CAMKMT: variants seen among roughly 807,000 people sequenced by gnomAD.
The protein encoded by CAMKMT is calmodulin-lysine N-methyltransferase, also known as CaM KMT.
Under a neutral mutation model 48.0 loss-of-function variants are expected in CAMKMT, and 53 were observed. That is an observed-to-expected ratio of 1.10 (90% CI 0.89 to 1.39). The LOEUF is 1.39. Among genes scored for constraint, CAMKMT ranks in the 40% most tolerant of loss-of-function variants. CAMKMT has a pLI of 0.00. For synonymous variants in CAMKMT, 165 were observed against 152.3 expected, an observed-to-expected ratio of 1.08 and a Z score of -0.61; for missense variants, 428 against 402.7, an observed-to-expected ratio of 1.06 and a Z score of -0.54.
chr2:44,521,005 C>T (rs1007836304), intron 3 of CAMKMT, among the ~76,000 whole-genome samples: 5 of 152,162 alleles, frequency 3.3e-5, no homozygotes, highest in South Asian at 2.1e-4. Context: ...ATTACCCAGT[C>T]GTGGGCATTT....
intron 3 of CAMKMT, among the ~76,000 whole-genome samples, chr2:44,449,615 C>G (rs1667185456): frequency 6.6e-6 from 1 of 152,038 alleles, no homozygotes; most frequent in Non-Finnish European, 1.5e-5. Context: ...ATTCTTTAGA[C>G]TTTACTCTGC....
chr2:44,424,780 G>A (rs1033970812), intron 3 of CAMKMT, among the ~76,000 whole-genome samples: 3 of 152,174 alleles, frequency 2.0e-5, no homozygotes, highest in Admixed American at 6.5e-5. Flanking sequence ...TGAGACGGGA[G>A]TAAGGGATAA....
chr2:44,709,570 ATTGGCATTCG>A (rs2104286732), intron 6 of CAMKMT, among the ~76,000 whole-genome samples: 1 of 152,212 alleles, frequency 6.6e-6, no homozygotes, highest in East Asian at 1.9e-4. Context: ...AGAGCTTACA[ATTGGCATTCG>A]TTGTCATCTG....
intron 3 of CAMKMT, among the ~76,000 whole-genome samples, chr2:44,599,844 G>C (rs1189434070): frequency 2.1e-5 from 3 of 143,522 alleles, no homozygotes; most frequent in Non-Finnish European, 3.1e-5. Flanking sequence ...AAAAAAAAGT[G>C]TATGTTTCTC....
intron 3 of CAMKMT, among the ~76,000 whole-genome samples, chr2:44,520,149 G>A (rs929204966): frequency 6.6e-6 from 1 of 152,082 alleles, no homozygotes; most frequent in Non-Finnish European, 1.5e-5. Context: ...AACCTGGGAG[G>A]CGGAGCTTGC....
At chr2:44,404,429 T>C (rs1475660233) in intron 3 of CAMKMT, among the ~76,000 whole-genome samples, 1 of 152,110 alleles carries the variant, frequency 6.6e-6, no homozygotes, top group Admixed American at 6.5e-5. Context: ...TTTTGTTACA[T>C]ATTGGCGATA....
intron 3 of CAMKMT, among the ~76,000 whole-genome samples, chr2:44,497,773 C>T (rs571523773): frequency 3.4e-5 from 5 of 148,566 alleles, no homozygotes; most frequent in Non-Finnish European, 7.4e-5. Flanking sequence ...ATAGGCAGCC[C>T]CAGAAGAGCA....
At chr2:44,410,525 A>G (rs1054063743) in intron 3 of CAMKMT, among the ~76,000 whole-genome samples, 3 of 151,866 alleles carry the variant, frequency 2.0e-5, no homozygotes, top group Admixed American at 6.6e-5. Context: ...TTTCATGCCA[A>G]TGTAAAATGT....
intron 2 of CAMKMT, among the ~76,000 whole-genome samples, chr2:44,383,037 C>T (rs935458491): frequency 1.3e-5 from 2 of 152,030 alleles, no homozygotes; most frequent in Non-Finnish European, 2.9e-5. Flanking sequence ...GGCCTCTTCC[C>T]TTTGGCTTGC....
At chr2:44,383,429 C>T (rs768221963) in intron 2 of CAMKMT, among the ~76,000 whole-genome samples, 29 of 152,296 alleles carry the variant, frequency 1.9e-4, no homozygotes, top group Middle Eastern at 3.4e-3. Flanking sequence ...TCCCAAAGTG[C>T]TGGGATTACA....
At chr2:44,481,767 C>T (rs1668976298) in intron 3 of CAMKMT, among the ~76,000 whole-genome samples, 1 of 151,942 alleles carries the variant, frequency 6.6e-6, no homozygotes, top group African/African-American at 2.4e-5. Flanking sequence ...CAGATACTAT[C>T]AAAGCTTGGA....
intron 3 of CAMKMT, among the ~76,000 whole-genome samples, chr2:44,410,247 A>ATTTT (rs1164693728): frequency 1.8e-3 from 35 of 19,482 alleles, no homozygotes; most frequent in East Asian, 3.5e-3. Flanking sequence ...ATATATATAT[A>ATTTT]TTTTTTTTTT....
chr2:44,388,705 T>C (rs1446381657), intron 2 of CAMKMT, among the ~76,000 whole-genome samples: 2 of 152,128 alleles, frequency 1.3e-5, no homozygotes, highest in Non-Finnish European at 2.9e-5. Flanking sequence ...GGTGTTCCCT[T>C]GATGTAGTAC....
At chr2:44,566,143 G>T (rs2103714486) in intron 3 of CAMKMT, among the ~76,000 whole-genome samples, 1 of 152,288 alleles carries the variant, frequency 6.6e-6, no homozygotes, top group East Asian at 1.9e-4. Context: ...TCTCCATACA[G>T]CAAGAGCCAT....
At chr2:44,649,148 C>T (rs1673917958) in intron 3 of CAMKMT, among the ~76,000 whole-genome samples, 1 of 152,028 alleles carries the variant, frequency 6.6e-6, no homozygotes, top group African/African-American at 2.4e-5. Flanking sequence ...AGGTTTTTCC[C>T]TTCAGTGAGG....
At chr2:44,619,034 C>G (rs991554677) in intron 3 of CAMKMT, among the ~76,000 whole-genome samples, 2 of 152,074 alleles carry the variant, frequency 1.3e-5, no homozygotes, top group Admixed American at 1.3e-4. Flanking sequence ...ATTCTGTGAC[C>G]TTTGGTCCAA....
intron 3 of CAMKMT, among the ~76,000 whole-genome samples, chr2:44,592,160 A>T (rs1670330389): frequency 6.6e-6 from 1 of 152,062 alleles, no homozygotes; most frequent in African/African-American, 2.4e-5. Context: ...ACATGTATAC[A>T]TATGTAACTA....
chr2:44,417,588 G>A (rs1344543147), intron 3 of CAMKMT, among the ~76,000 whole-genome samples: 1 of 152,130 alleles, frequency 6.6e-6, no homozygotes, highest in Non-Finnish European at 1.5e-5. Flanking sequence ...GAGTAGAATT[G>A]TTAGATTGTA....
At chr2:44,744,620 G>C (rs144470988) in intron 8 of CAMKMT, among the ~76,000 whole-genome samples, 3 of 152,088 alleles carry the variant, frequency 2.0e-5, no homozygotes, top group Non-Finnish European at 2.9e-5. Context: ...AAGAAGTTCT[G>C]TTATATTGAT....
Sources: allele counts gnomAD v4.1 joint callset (sites outside exome capture counted in the v4.1 genomes callset), GRCh38; gene constraint gnomAD v4.1.1; transcripts MANE v1.5; gene names NCBI Gene and HGNC (gene_info 2026-07-23, HGNC 2026-07-21).